The following SUMF1 variants were observed in gnomAD, a reference collection of about 807,000 sequenced individuals.
SUMF1 encodes sulfatase modifying factor 1.
SUMF1 carries 48 observed loss-of-function variants against 47.6 expected under a neutral mutation model. The observed-to-expected ratio is 1.01, with a 90% CI of 0.80 to 1.28. The LOEUF (loss-of-function observed/expected upper bound fraction) is 1.28, where lower values mean the gene tolerates loss of function less well. Ranked by LOEUF, SUMF1 falls within the 50% of genes most tolerant of loss-of-function variation. The probability of loss-of-function intolerance (pLI) is 0.00; values close to 1 mark genes in which losing one functional copy is unlikely to be tolerated. For synonymous variants in SUMF1, 230 were observed against 192.1 expected (o/e 1.20, Z -1.63); for missense variants, 571 against 485.4 (o/e 1.18, Z -1.66).
chr3:4,390,899 G>A (rs1700840759), intron 7 of SUMF1, among the ~76,000 whole-genome samples: 1 of 152,156 alleles, frequency 6.6e-6, no homozygotes, highest in South Asian at 2.1e-4. Flanking sequence ...TCTTTTATGT[G>A]CAGTGTCCAG....
chr3:4,340,276 A>G (rs537802854), intron 8 of SUMF1, among the ~76,000 whole-genome samples: 2 of 152,080 alleles, frequency 1.3e-5, no homozygotes, highest in Admixed American at 1.3e-4. Context: ...CTTACCACAC[A>G]CTGTACCCAC....
intron 8 of SUMF1, among the ~76,000 whole-genome samples, chr3:4,296,306 T>TAA (rs10662776): frequency 0.11 from 15,834 of 143,492 alleles, 1,035 homozygotes; most frequent in African/African-American, 0.18. Context: ...GCAAAATAGT[T>TAA]AAAAAAAAAA....
At chr3:4,356,475 G>A (rs563287081), downstream of SUMF1, among the ~76,000 whole-genome samples, 21 of 152,214 alleles carry the variant, frequency 1.4e-4, no homozygotes, top group African/African-American at 4.1e-4. Context: ...ATTTCTAGGC[G>A]AGATGAGGTC....
At chr3:4,412,695 C>A (rs1206625957) in intron 6 of SUMF1, among the ~76,000 whole-genome samples, 2 of 152,068 alleles carry the variant, frequency 1.3e-5, no homozygotes, top group African/African-American at 4.8e-5. Flanking sequence ...ACTAGCCTGG[C>A]CAACATGGTC....
At position 4,416,186 on chromosome 3, in the gene SUMF1, A is replaced by C. The variant is rs1200569740; in HGVS notation, c.840+942T>G. On this transcript the variant is annotated intron_variant, in intron 6 of 8. Transcript: ENST00000272902. ...GAAAACAGTTTGGCCATATATCTGA[A>C]ACTCTTACCCAGAAAGTTTTCTAGA... Among the ~76,000 whole-genome samples the C allele has an allele frequency of 2.0e-5, 3 of 152,168 alleles. No individual in the cohort carries two copies. The East Asian group carries it at 5.8e-4, about 29-fold the overall frequency.
intron 8 of SUMF1, among the ~76,000 whole-genome samples, chr3:4,306,312 C>T (rs964525054): frequency 8.6e-5 from 13 of 152,038 alleles, no homozygotes; most frequent in Non-Finnish European, 1.6e-4. Flanking sequence ...AAGTATCTCC[C>T]TTAGAATCAT....
chr3:4,390,135 A>G (rs1171204483), intron 7 of SUMF1, among the ~76,000 whole-genome samples: 1 of 152,150 alleles, frequency 6.6e-6, no homozygotes, highest in Non-Finnish European at 1.5e-5. Flanking sequence ...GGGAAGAGAG[A>G]AGGTGTGATC....
intron 1 of SUMF1, among the ~76,000 whole-genome samples, chr3:4,456,705 C>CGTATATATATACATATATATACGTGT (rs1559312246): frequency 4.0e-5 from 4 of 101,206 alleles, no homozygotes; most frequent in Non-Finnish European, 7.7e-5. Context: ...TATATATATA[C>CGTATATATATACATATATATACGTGT]GTATATATAT....
intron 8 of SUMF1, among the ~76,000 whole-genome samples, chr3:4,274,464 A>T (rs991389202): frequency 6.6e-6 from 1 of 152,212 alleles, no homozygotes; most frequent in Admixed American, 6.5e-5. Flanking sequence ...ATTCTTATTT[A>T]ATGAATAAGA....
intron 9 of SUMF1, among the ~76,000 whole-genome samples, chr3:4,063,356 C>G (rs1248827474): frequency 6.6e-6 from 1 of 152,102 alleles, no homozygotes; most frequent in African/African-American, 2.4e-5. Flanking sequence ...CAGCAGCTTA[C>G]AGAGACTGCA....
intron 8 of SUMF1, among the ~76,000 whole-genome samples, chr3:4,094,597 C>T (rs572103538): frequency 6.6e-5 from 10 of 152,066 alleles, no homozygotes; most frequent in African/African-American, 2.2e-4. Context: ...CCAGTTATGC[C>T]TTTTGTCAAG....
intron 1 of SUMF1, among the ~76,000 whole-genome samples, chr3:4,464,957 T>C (rs2079904490): frequency 6.6e-6 from 1 of 152,230 alleles, no homozygotes; most frequent in Non-Finnish European, 1.5e-5. Context: ...AAAACCACTC[T>C]ATAGGGATGA....
intron 8 of SUMF1, among the ~76,000 whole-genome samples, chr3:4,284,737 A>G (rs918892217): frequency 6.6e-6 from 1 of 152,146 alleles, no homozygotes; most frequent in Non-Finnish European, 1.5e-5. Context: ...AAAAAAAAAT[A>G]GTACCATAGA....
intron 8 of SUMF1, among the ~76,000 whole-genome samples, chr3:4,363,679 T>C (rs1448039253): frequency 6.7e-6 from 1 of 148,864 alleles, no homozygotes; most frequent in Non-Finnish European, 1.5e-5. Context: ...ACAGGGACAA[T>C]TTGACTTCCT....
chr3:4,429,759 G>A (rs1156985256), intron 3 of SUMF1, among the ~76,000 whole-genome samples: 2 of 152,002 alleles, frequency 1.3e-5, no homozygotes, highest in Non-Finnish European at 2.9e-5. Context: ...GGCTGGTACT[G>A]TACCAGCCAA....
At chr3:4,244,841 TTTTCCAACTGATTCCA>T (rs1696624798) in intron 8 of SUMF1, among the ~76,000 whole-genome samples, 1 of 152,144 alleles carries the variant, frequency 6.6e-6, no homozygotes, top group African/African-American at 2.4e-5. Context: ...CTGAAGGGTG[TTTTCCAACTGATTCCA>T]TTCTCCCCAT....
At chr3:4,354,923 A>G (rs1434525786) in intron 8 of SUMF1, among the ~76,000 whole-genome samples, 1 of 152,212 alleles carries the variant, frequency 6.6e-6, no homozygotes, top group Admixed American at 6.5e-5. Flanking sequence ...CAAGGTAGGT[A>G]TTATTATTCC....
chr3:4,147,950 C>T (rs574613991), intron 8 of SUMF1, among the ~76,000 whole-genome samples: 10 of 152,210 alleles, frequency 6.6e-5, no homozygotes, highest in Admixed American at 5.9e-4. Context: ...AGATAAGCAG[C>T]TCCGCACTAT....
chr3:4,244,081 C>G (rs1195372997), intron 8 of SUMF1, among the ~76,000 whole-genome samples: 2 of 152,110 alleles, frequency 1.3e-5, no homozygotes, highest in Non-Finnish European at 2.9e-5. Flanking sequence ...GGATTGCAAT[C>G]CCTGCTTTTT....
Sources: gnomAD v4.1 joint callset for allele counts (sites outside exome capture counted in the v4.1 genomes callset) on GRCh38, gnomAD v4.1.1 for gene constraint, MANE v1.5 for transcripts, NCBI Gene and HGNC (gene_info 2026-07-23, HGNC 2026-07-21) for gene names.